Variants in RFT1 observed in about 807,000 individuals in gnomAD.
RFT1 encodes the protein RFT1 glycolipid translocator homolog.
A neutral mutation model predicts 62.2 loss-of-function variants in RFT1; 43 were observed. The ratio of observed to expected loss-of-function variants is 0.69; its 90% CI spans 0.54 to 0.89. RFT1 has a LOEUF of 0.89. Ranked by LOEUF, RFT1 falls within the 40% of genes least tolerant of loss-of-function variation. The probability of loss-of-function intolerance (pLI) is 0.00; values close to 1 mark genes in which losing one functional copy is unlikely to be tolerated. For missense variants in RFT1, 605 were observed against 649.9 expected, an observed-to-expected ratio of 0.93 and a Z score of 0.75; for synonymous variants, 262 against 264.6, an observed-to-expected ratio of 0.99 and a Z score of 0.10.
intron 7 of RFT1, among the ~76,000 whole-genome samples, chr3:53,109,972 T>G (rs543220949): frequency 1.3e-5 from 2 of 152,290 alleles, no homozygotes; most frequent in East Asian, 3.9e-4. Flanking sequence ...CTAATGGCAC[T>G]CTGCCAGTCA....
At chr3:53,098,628 C>T (rs545700765) in intron 11 of RFT1, among the ~76,000 whole-genome samples, 36 of 151,976 alleles carry the variant, frequency 2.4e-4, no homozygotes, top group Admixed American at 5.2e-4. Flanking sequence ...CGGTGAAACC[C>T]CATCTCTACT....
At chr3:53,076,662 A>C in the RFT1 span, among the ~76,000 whole-genome samples, 3 of 152,170 alleles carry the variant, frequency 2.0e-5, no homozygotes, top group Non-Finnish European at 4.4e-5. Flanking sequence ...AATGTTCTAA[A>C]GGTGAAAGAG....
intron 5 of RFT1, among the ~76,000 whole-genome samples, chr3:53,120,641 C>A (rs1701944766): frequency 6.6e-6 from 1 of 152,152 alleles, no homozygotes; most frequent in Non-Finnish European, 1.5e-5. Context: ...GTTTTGTCTG[C>A]AGATTGAGGA....
At position 53,091,075 on chromosome 3, in the gene RFT1, AC is replaced by A. The variant is rs1700974308; in HGVS notation, c.*827del. 6.6e-6 allele frequency: 1 copy of A among 152,364 alleles called. No homozygotes were observed. Among genetic ancestry groups the A allele is most frequent in the Middle Eastern group, 3.2e-3 (1 of 316 alleles). The allele number at this position is 152,364 out of a possible 1,614,324, so 9.4% of individuals were successfully genotyped here. ...CAGTGCAATTCCCATGTGAGAAGTT[AC>A]AGAAAGCTGCAAAGCAGCATTCCCC... On this transcript the variant is annotated 3_prime_UTR_variant, in exon 13 of 13. Transcript: ENST00000296292.
At chr3:53,116,467 C>A (rs1259006540) in intron 6 of RFT1, among the ~76,000 whole-genome samples, 1 of 148,488 alleles carries the variant, frequency 6.7e-6, no homozygotes, top group Non-Finnish European at 1.5e-5. Context: ...CTAAATTTTA[C>A]ATGTTTTGTA....
At chr3:53,123,685 G>T in intron 3 of RFT1, 39 bp downstream of exon 3, 1 of 1,478,720 alleles carries the variant, frequency 6.8e-7, no homozygotes, top group Non-Finnish European at 9.5e-7. Context: ...CACTACACCT[G>T]CCTTCCTGAA....
chr3:53,117,523 C>A (rs79673127), intron 6 of RFT1, among the ~76,000 whole-genome samples: 54 of 152,342 alleles, frequency 3.5e-4, no homozygotes, highest in African/African-American at 1.3e-3. Context: ...TCAGCGGGAA[C>A]AGTATCACTA....
intron 11 of RFT1, among the ~76,000 whole-genome samples, chr3:53,096,225 A>G (rs1315117563): frequency 2.6e-5 from 4 of 152,324 alleles, no homozygotes; most frequent in Admixed American, 2.0e-4. Flanking sequence ...TCATTGCTGT[A>G]TTCCTAGAGC....
chr3:53,090,324 G>T lies in RFT1; in HGVS notation c.*1579C>A, dbSNP rs560010190. The T allele has an allele frequency of 6.5e-6, 1 of 152,858 alleles. No homozygotes were observed. Among genetic ancestry groups the T allele is most frequent in the East Asian group, 1.9e-4 (1 of 5,184 alleles). The allele number at this position is 152,858 out of a possible 1,614,324, so 9.5% of individuals were successfully genotyped here. A position where few individuals can be genotyped will look rare whatever the true frequency, so the allele number is the denominator to read the frequency against. ...GACAGAGAAAGGACATGGGAGGGAAGGAGGACTGCCTTCCGTGTGTGCTCC... is the reference window on the plus strand; with the variant it reads ...GACAGAGAAAGGACATGGGAGGGAATGAGGACTGCCTTCCGTGTGTGCTCC... On this transcript the variant is annotated 3_prime_UTR_variant, in exon 13 of 13. Transcript: ENST00000296292.
intron 10 of RFT1, chr3:53,103,052 C>A: frequency 1.5e-5 from 14 of 959,606 alleles, no homozygotes; most frequent in Non-Finnish European, 1.7e-5. Flanking sequence ...GAGCTGCAAA[C>A]CACTTCACTG....
At chr3:53,119,851 T>C in intron 6 of RFT1, 33 bp downstream of exon 6, 2 of 1,566,506 alleles carry the variant, frequency 1.3e-6, no homozygotes, top group Non-Finnish European at 1.7e-6. Context: ...CACCTATGAT[T>C]AAAATGATAA....
chr3:53,108,785 C>T (rs1173141472), intron 7 of RFT1, among the ~76,000 whole-genome samples: 1 of 151,884 alleles, frequency 6.6e-6, no homozygotes, highest in Non-Finnish European at 1.5e-5. Flanking sequence ...ACTGCAACCT[C>T]TGCCTCCCGA....
chr3:53,092,987 G>A (rs1191419314), intron 11 of RFT1, among the ~76,000 whole-genome samples: 2 of 152,154 alleles, frequency 1.3e-5, no homozygotes, highest in African/African-American at 4.8e-5. Context: ...GGAGTGCTGG[G>A]GACACACTGG....
chr3:53,099,865 T>A (rs773182227), intron 10 of RFT1, among the ~76,000 whole-genome samples: 16 of 152,106 alleles, frequency 1.1e-4, no homozygotes, highest in Non-Finnish European at 2.1e-4. Context: ...GGCATGCCTG[T>A]AGTCCCAGCT....
At chr3:53,071,545 C>G in the RFT1 span, among the ~76,000 whole-genome samples, 225 of 152,282 alleles carry the variant, frequency 1.5e-3, no homozygotes, top group African/African-American at 5.2e-3. Flanking sequence ...AAAGATCCAG[C>G]CATGGGGCTA....
At chr3:53,094,006 C>T (rs898666582) in intron 11 of RFT1, among the ~76,000 whole-genome samples, 1 of 152,062 alleles carries the variant, frequency 6.6e-6, no homozygotes. Context: ...CGAGCAACAC[C>T]CTGTCTCAAA....
the RFT1 span, among the ~76,000 whole-genome samples, chr3:53,067,564 C>T: frequency 0.36 from 54,375 of 151,974 alleles, 9,848 homozygotes; most frequent in Admixed American, 0.45. Context: ...CTCGGGGTCA[C>T]GGTTACACAG....
intron 6 of RFT1, among the ~76,000 whole-genome samples, chr3:53,119,521 A>C (rs1002494098): frequency 6.6e-6 from 1 of 152,246 alleles, no homozygotes; most frequent in Non-Finnish European, 1.5e-5. Context: ...CATAGGGTCT[A>C]GCACAGTGGT....
intron 5 of RFT1, 126 bp downstream of exon 5, chr3:53,121,573 C>G: frequency 1.3e-6 from 1 of 774,330 alleles, no homozygotes; most frequent in Non-Finnish European, 2.3e-6. Context: ...GGCCACCCTT[C>G]TGGTGCTTCC....
Sources: allele counts gnomAD v4.1 joint callset (sites outside exome capture counted in the v4.1 genomes callset), GRCh38; gene constraint gnomAD v4.1.1; transcripts MANE v1.5; gene names NCBI Gene and HGNC (gene_info 2026-07-23, HGNC 2026-07-21).